The following ZNF385D variants were observed in gnomAD, a reference collection of about 807,000 sequenced individuals.
ZNF385D encodes the protein zinc finger protein 385D, also known as zinc finger protein 659.
Under a neutral mutation model 35.8 loss-of-function variants are expected in ZNF385D, and 15 were observed. That is an observed-to-expected ratio of 0.42 (90% CI 0.28 to 0.64). The LOEUF is 0.64. Among genes scored for constraint, ZNF385D ranks in the 30% least tolerant of loss-of-function variants. The pLI, the probability that ZNF385D is intolerant of heterozygous loss-of-function variation, is 0.23. For missense variants in ZNF385D, 474 were observed against 494.6 expected (o/e 0.96, Z 0.39); for synonymous variants, 212 against 186.8 (o/e 1.13, Z -1.10).
At chr3:22,049,570 A>G (rs1576228961) in intron 3 of ZNF385D, among the ~76,000 whole-genome samples, 1 of 152,236 alleles carries the variant, frequency 6.6e-6, no homozygotes, top group Middle Eastern at 3.4e-3. Flanking sequence ...AAAAGTGCCA[A>G]TAGTGGACAT....
chr3:21,632,500 A>G (rs1376206370), intron 2 of ZNF385D, among the ~76,000 whole-genome samples: 1 of 152,130 alleles, frequency 6.6e-6, no homozygotes, highest in African/African-American at 2.4e-5. Flanking sequence ...ATTTTTGTCA[A>G]TTCAAAACAA....
At chr3:21,934,970 G>C (rs1314081541) in intron 3 of ZNF385D, among the ~76,000 whole-genome samples, 1 of 152,172 alleles carries the variant, frequency 6.6e-6, no homozygotes, top group Non-Finnish European at 1.5e-5. Flanking sequence ...AAGAAGATGA[G>C]CAAAAACATT....
intron 1 of ZNF385D, among the ~76,000 whole-genome samples, chr3:21,702,102 G>A (rs533097888): frequency 1.3e-5 from 2 of 152,290 alleles, no homozygotes; most frequent in East Asian, 3.9e-4. Context: ...GTGGGGCTCT[G>A]ACCCCATATT....
At chr3:21,643,103 A>G (rs544300326) in intron 2 of ZNF385D, among the ~76,000 whole-genome samples, 116 of 152,264 alleles carry the variant, frequency 7.6e-4, no homozygotes, top group African/African-American at 2.6e-3. Context: ...TTTATCACCA[A>G]AAAAAGAAAG....
chr3:21,964,493 T>A lies in ZNF385D; in HGVS notation c.325+204324A>T, dbSNP rs1285106392. Among the ~76,000 whole-genome samples the A allele has an allele frequency of 5.4e-3, 630 of 116,974 alleles. 18 individuals are homozygous for A. The highest frequency in any genetic ancestry group is 0.021 in the African/African-American group (574 of 27,652). The allele number at this position is 116,974 out of a possible 152,430, so 76.7% of individuals were successfully genotyped here. A position where few individuals can be genotyped will look rare whatever the true frequency, so the allele number is the denominator to read the frequency against. On this transcript the variant is annotated intron_variant, in intron 3 of 5. Transcript: ENST00000494108. ...AGATTTTTTTTTTTTTTTTTTTTTTTTTTTTTTTTTTTCTGAGACGGAGTC... is the reference window on the plus strand; with the variant it reads ...AGATTTTTTTTTTTTTTTTTTTTTTATTTTTTTTTTTTCTGAGACGGAGTC...
chr3:22,324,825 G>A (rs1416464723), intron 2 of ZNF385D, among the ~76,000 whole-genome samples: 4 of 152,172 alleles, frequency 2.6e-5, no homozygotes, highest in African/African-American at 4.8e-5. Context: ...CAGGGAATGA[G>A]ATTGACAAAG....
At chr3:21,860,811 T>C (rs1256291698) in intron 3 of ZNF385D, among the ~76,000 whole-genome samples, 1 of 152,110 alleles carries the variant, frequency 6.6e-6, no homozygotes, top group African/African-American at 2.4e-5. Context: ...AATCTGAACA[T>C]ATGCCTGTAG....
intron 3 of ZNF385D, among the ~76,000 whole-genome samples, chr3:21,994,390 T>A (rs1472906372): frequency 1.3e-5 from 2 of 152,236 alleles, no homozygotes; most frequent in African/African-American, 4.8e-5. Flanking sequence ...TTATGGGTTT[T>A]AAAAATCATA....
intron 2 of ZNF385D, among the ~76,000 whole-genome samples, chr3:22,339,413 T>C (rs1262560948): frequency 1.3e-5 from 2 of 152,190 alleles, no homozygotes; most frequent in Admixed American, 6.5e-5. Context: ...TGCCATATAC[T>C]ATGCTAGGTG....
intron 3 of ZNF385D, chr3:22,133,658 T>A (rs1014402166): frequency 6.6e-6 from 1 of 151,908 alleles, no homozygotes; most frequent in Admixed American, 6.6e-5. Context: ...TACATAGAAC[T>A]GAAAACCATA....
intron 3 of ZNF385D, among the ~76,000 whole-genome samples, chr3:21,954,658 A>G (rs761696715): frequency 6.6e-6 from 1 of 152,100 alleles, no homozygotes; most frequent in Non-Finnish European, 1.5e-5. Flanking sequence ...ATTCATTAAT[A>G]TATATTAACT....
intron 3 of ZNF385D, among the ~76,000 whole-genome samples, chr3:21,825,709 C>G (rs945548757): frequency 1.3e-5 from 2 of 152,166 alleles, no homozygotes; most frequent in East Asian, 3.9e-4. Context: ...TTTCTTGTCT[C>G]TTTCTCTGTG....
intron 2 of ZNF385D, among the ~76,000 whole-genome samples, chr3:22,179,597 G>A (rs549175579): frequency 2.0e-5 from 3 of 152,212 alleles, no homozygotes; most frequent in African/African-American, 7.2e-5. Context: ...CTGCCTGATT[G>A]CCCTGGCCAG....
chr3:22,248,056 C>A (rs1699880973), intron 2 of ZNF385D, among the ~76,000 whole-genome samples: 1 of 152,160 alleles, frequency 6.6e-6, no homozygotes, highest in African/African-American at 2.4e-5. Flanking sequence ...ACAACACTAT[C>A]TGGTAGCCCT....
chr3:21,866,571 G>T (rs1376714449), intron 3 of ZNF385D, among the ~76,000 whole-genome samples: 1 of 152,116 alleles, frequency 6.6e-6, no homozygotes, highest in Non-Finnish European at 1.5e-5. Flanking sequence ...AAGGTTTCGG[G>T]ACCTCAGTTT....
intron 2 of ZNF385D, among the ~76,000 whole-genome samples, chr3:22,170,674 T>C (rs1694349497): frequency 6.6e-6 from 1 of 152,188 alleles, no homozygotes; most frequent in African/African-American, 2.4e-5. Flanking sequence ...TGATTAATTT[T>C]AATCAAAGGA....
intron 2 of ZNF385D, among the ~76,000 whole-genome samples, chr3:22,230,019 G>A (rs1403759220): frequency 1.3e-5 from 2 of 152,098 alleles, no homozygotes; most frequent in African/African-American, 4.8e-5. Flanking sequence ...AAAATAACAA[G>A]GGTCCAGTTA....
chr3:21,812,119 C>G (rs1298309319), intron 3 of ZNF385D, among the ~76,000 whole-genome samples: 1 of 152,072 alleles, frequency 6.6e-6, no homozygotes, highest in African/African-American at 2.4e-5. Context: ...TGGTCAAATT[C>G]AGAACATGGA....
At chr3:22,205,601 G>A (rs1576493714) in intron 2 of ZNF385D, among the ~76,000 whole-genome samples, 3 of 151,926 alleles carry the variant, frequency 2.0e-5, no homozygotes, top group South Asian at 2.1e-4. Flanking sequence ...AAAAAGCAGG[G>A]GAATGAAGCT....
Sources: allele counts gnomAD v4.1 joint callset (sites outside exome capture counted in the v4.1 genomes callset), GRCh38; gene constraint gnomAD v4.1.1; transcripts MANE v1.5; gene names NCBI Gene and HGNC (gene_info 2026-07-23, HGNC 2026-07-21).